Variants in LIPG observed in about 807,000 individuals in gnomAD.
LIPG encodes the protein lipase G, endothelial type, also known as endothelial lipase.
Under a neutral mutation model 51.8 loss-of-function variants are expected in LIPG, and 34 were observed. The observed-to-expected ratio is 0.66, with a 90% confidence interval of 0.50 to 0.87. The LOEUF is 0.87. Among genes scored for constraint, LIPG ranks in the 40% least tolerant of loss-of-function variants. LIPG has a pLI of 0.00. For synonymous variants in LIPG, 246 were observed against 246.1 expected, an observed-to-expected ratio of 1.00 and a Z score of 0.00; for missense variants, 580 against 652.7, an observed-to-expected ratio of 0.89 and a Z score of 1.21.
chr18:49,585,135 C>A (rs905503017), intron 8 of LIPG, among the ~76,000 whole-genome samples: 20 of 152,214 alleles, frequency 1.3e-4, no homozygotes, highest in Non-Finnish European at 2.6e-4. Flanking sequence ...AATCTTGGCT[C>A]ACTGCAAACT....
In LIPG at chr18:49,596,149, C is replaced by G. The variant is rs762311872; in HGVS notation, c.*5627C>G. 1 of 152,070 alleles carries G rather than the reference C, an allele frequency of 6.6e-6. No homozygotes were observed. The highest frequency in any genetic ancestry group is 2.1e-4 in the South Asian group (1 of 4,814). 9.4% of individuals were successfully genotyped at this position (152,070 alleles called of 1,614,324 possible). On this transcript the variant is annotated 3_prime_UTR_variant, in exon 10 of 10. Coordinates refer to ENST00000261292, the MANE Select transcript of LIPG (RefSeq NM_006033.4). ...AAACTAAAGTAGAAGTTAAAACCAT[C>G]AACCCCCCCAAAACAAAAATGAATT...
At chr18:49,590,000 G>A (rs889755486) in intron 9 of LIPG, 2 of 213,208 alleles carry the variant, frequency 9.4e-6, no homozygotes, top group Non-Finnish European at 1.9e-5. Context: ...TCACTGATAA[G>A]GAGCCTGAGA....
chr18:49,562,707 C>T (rs61364338), intron 1 of LIPG, among the ~76,000 whole-genome samples: 36,036 of 151,684 alleles, frequency 0.24, 4,952 homozygotes, highest in Middle Eastern at 0.35. Flanking sequence ...TCCAGCCAGC[C>T]GAGCGGCCTG....
rs2084556772 is a variant in LIPG at position 49,562,168 on chromosome 18, CATTT to C, written c.-140_-137del. 1 of 1,506,360 alleles carries C rather than the reference CATTT, an allele frequency of 6.6e-7. No individual in the cohort carries two copies. Among genetic ancestry groups the C allele is most frequent in the African/African-American group, 1.4e-5 (1 of 71,628 alleles). 93.3% of individuals were successfully genotyped at this position (1,506,360 alleles called of 1,614,324 possible). On this transcript the variant is annotated 5_prime_UTR_variant, in exon 1 of 10. Transcript: ENST00000261292. ...CCCGGGCTCCGTGCCGCCAAGTTTT[CATTT>C]TCCACCTTCTCTGCCTCCAGTCCCC...
At position 49,575,350 on chromosome 18, in the gene LIPG, G is replaced by T; in HGVS notation, c.572-19G>T. 6.2e-7 allele frequency: 1 copy of T among 1,609,124 alleles called. No homozygotes were observed. Among genetic ancestry groups the T allele is most frequent in the Non-Finnish European group, 8.5e-7 (1 of 1,177,888 alleles). On this transcript the variant is annotated intron_variant, in intron 4 of 9. Coordinates refer to ENST00000261292, the MANE Select transcript of LIPG (RefSeq NM_006033.4). ...TGCACCTGACACCACAGCTGTTTTGGGGCCTCCTTCTGCTGCAGGTTTGGA... is the reference window on the plus strand; with the variant it reads ...TGCACCTGACACCACAGCTGTTTTGTGGCCTCCTTCTGCTGCAGGTTTGGA...
intron 3 of LIPG, among the ~76,000 whole-genome samples, chr18:49,568,477 T>A (rs902916627): frequency 4.6e-5 from 7 of 151,862 alleles, no homozygotes; most frequent in African/African-American, 1.7e-4. Context: ...ACCTCCTGGG[T>A]TCAAGCAATT....
chr18:49,568,271 C>T (rs2084628146), intron 3 of LIPG, among the ~76,000 whole-genome samples: 3 of 152,206 alleles, frequency 2.0e-5, no homozygotes, highest in Admixed American at 6.5e-5. Context: ...ACCTCATGAT[C>T]TGCCTGCCTA....
In LIPG at chr18:49,583,673, C is replaced by A; in HGVS notation, c.1275C>A (p.Asn425Lys). The A allele has an allele frequency of 6.2e-7, 1 of 1,614,196 alleles. No homozygotes were observed. Among genetic ancestry groups the A allele is most frequent in the Non-Finnish European group, 8.5e-7 (1 of 1,180,038 alleles). ...TWEGASQSWY[N>K]LWKEFRSYLS... ...AGGGGGCCTCTCAGTCTTGGTACAA[C>A]CTGTGGAAGGAGTTTCGCAGCTACC... Residue 425 changes from asparagine (N) to lysine (K), a missense_variant, in exon 8 of 10, where the codon AAC (asparagine) becomes AAA (lysine). Physicochemically the swap from Asn to Lys is moderately conservative, Grantham distance 94. Coordinates refer to ENST00000261292, the MANE Select transcript of LIPG (RefSeq NM_006033.4).
intron 4 of LIPG, among the ~76,000 whole-genome samples, chr18:49,573,423 A>G (rs528727347): frequency 6.6e-6 from 1 of 152,110 alleles, no homozygotes; most frequent in Non-Finnish European, 1.5e-5. Context: ...ACATAAAGTT[A>G]TCTAAATTTG....
rs755435376 is a variant in LIPG, at chr18:49,565,462, G to A, written c.243G>A (p.Met81Ile). The A allele has an allele frequency of 5.0e-6, 8 of 1,614,230 alleles. No individual in the cohort carries two copies. The highest frequency in any genetic ancestry group is 6.8e-6 in the Non-Finnish European group (8 of 1,180,044). ...CCTTAGAAGACTGCAGTTTCAACAT[G>A]ACAGCTAAAACCTTTTTCATCATTC... ...SQPLEDCSFN[M>I]TAKTFFIIHG... Residue 81 changes from methionine (M) to isoleucine (I), a missense_variant, in exon 2 of 10, where the codon ATG (methionine) becomes ATA (isoleucine). Met to Ile is a conservative substitution (Grantham distance 10). Coordinates refer to ENST00000261292, the MANE Select transcript of LIPG (RefSeq NM_006033.4).
chr18:49,564,186 C>T (rs984808798), intron 1 of LIPG, among the ~76,000 whole-genome samples: 1 of 152,172 alleles, frequency 6.6e-6, no homozygotes, highest in African/African-American at 2.4e-5. Flanking sequence ...TTGGTATCTT[C>T]TTCCTTTTGC....
upstream of LIPG, chr18:49,561,698 T>C: frequency 8.0e-7 from 1 of 1,245,104 alleles, no homozygotes. Flanking sequence ...GCTCTCCTTC[T>C]CCAGGGATCG....
intron 9 of LIPG, among the ~76,000 whole-genome samples, chr18:49,588,909 C>T (rs2084912735): frequency 6.6e-6 from 1 of 152,120 alleles, no homozygotes; most frequent in Non-Finnish European, 1.5e-5. Context: ...AGCTTGGGCC[C>T]AGCCTGCACC....
At chr18:49,587,609 G>A (rs2084897450) in intron 9 of LIPG, among the ~76,000 whole-genome samples, 2 of 145,012 alleles carry the variant, frequency 1.4e-5, no homozygotes, top group Non-Finnish European at 3.0e-5. Context: ...CTGACCTTCT[G>A]CTAGGAGATA....
chr18:49,561,530 G>T (rs959986239), upstream of LIPG: 1 of 498,822 alleles, frequency 2.0e-6, no homozygotes, highest in Non-Finnish European at 3.1e-6. Context: ...TTGTGCGGCC[G>T]CGCCTTCTGC....
chr18:49,583,711 G>T lies in LIPG; in HGVS notation c.1313G>T (p.Arg438Leu), dbSNP rs140183486. ...TTTCGCAGCTACCTGTCTCAACCCC[G>T]CAACCCCGGACGGGAGCTGAATATC... ...KEFRSYLSQPRNPGRELNIRR... is the reference protein window; with the variant it reads ...KEFRSYLSQPLNPGRELNIRR... The change falls in exon 8 of 10, where the codon CGC becomes CTC. Residue 438 changes from arginine (R) to leucine (L), a missense_variant. Transcript: ENST00000261292. 6.2e-7 allele frequency: 1 copy of T among 1,613,992 alleles called. No homozygotes were observed. Among genetic ancestry groups the T allele is most frequent in the African/African-American group, 1.3e-5 (1 of 74,918 alleles).
rs2084957037 is a variant in LIPG, at chr18:49,592,617, T to C, written c.*2095T>C. 1 of 155,168 alleles carries C rather than the reference T, an allele frequency of 6.4e-6. No homozygotes were observed. The highest frequency in any genetic ancestry group is 1.4e-5 in the Non-Finnish European group (1 of 70,144). The allele number at this position is 155,168 out of a possible 1,614,324, so 9.6% of individuals were successfully genotyped here. On this transcript the variant is annotated 3_prime_UTR_variant, in exon 10 of 10. Transcript: ENST00000261292. ...CATTTCGGATTTTGGATTTTTGGAT[T>C]AGGGTTGCTCAACCCATATTATTGG...
chr18:49,571,317 G>C (rs1038051942), intron 4 of LIPG, among the ~76,000 whole-genome samples: 2 of 152,212 alleles, frequency 1.3e-5, no homozygotes, highest in Non-Finnish European at 2.9e-5. Context: ...TGTCAGTAAC[G>C]ATGACAAACT....
rs1301213388 is a variant in LIPG at position 49,594,475 on chromosome 18, T to C, written c.*3953T>C. 6.6e-6 allele frequency: 1 copy of C among 152,120 alleles called. No homozygotes were observed. The highest frequency in any genetic ancestry group is 1.5e-5 in the Non-Finnish European group (1 of 68,008). The allele number at this position is 152,120 out of a possible 1,614,324, so 9.4% of individuals were successfully genotyped here. On this transcript the variant is annotated 3_prime_UTR_variant, in exon 10 of 10. Transcript: ENST00000261292. ...GTATCTTTTAACAATTCCGTCCCTA[T>C]TTCCCCTTTCCCCCTACCAATTACT...
Sources: allele counts gnomAD v4.1 joint callset (sites outside exome capture counted in the v4.1 genomes callset), GRCh38; gene constraint gnomAD v4.1.1; transcripts MANE v1.5; gene names NCBI Gene and HGNC (gene_info 2026-07-23, HGNC 2026-07-21).